ACVR1: variants seen among roughly 807,000 people sequenced by gnomAD.
The protein encoded by ACVR1 is activin receptor type-1.
Under a neutral mutation model 57.1 loss-of-function variants are expected in ACVR1, and 38 were observed. The ratio of observed to expected loss-of-function variants is 0.67; its 90% CI spans 0.51 to 0.87. The LOEUF is 0.87. Among genes scored for constraint, ACVR1 ranks in the 40% least tolerant of loss-of-function variants. ACVR1 has a pLI of 0.00. For missense variants in ACVR1, 463 were observed against 638.2 expected (o/e 0.73, Z 2.96); for synonymous variants, 212 against 228.1 (o/e 0.93, Z 0.63).
chr2:157,780,878 G>A (rs1201758840), intron 3 of ACVR1, among the ~76,000 whole-genome samples: 1 of 152,116 alleles, frequency 6.6e-6, no homozygotes, highest in African/African-American at 2.4e-5. Flanking sequence ...ACAGACTTCT[G>A]AAAATGAGCT....
rs1369685992 is a variant in ACVR1 at position 157,827,958 on chromosome 2, A to T, written c.-182-9399T>A. Among the ~76,000 whole-genome samples the T allele has an allele frequency of 2.0e-5, 3 of 152,286 alleles. No homozygotes were observed. The East Asian group carries it at 5.8e-4, about 29-fold the overall frequency. On this transcript the variant is annotated intron_variant, in intron 1 of 10. Transcript: ENST00000434821. ...TCTAGCTCAAAGATTCTTCTTAGGT[A>T]TTTCTTTCATGATTGTTACTAGGAT... is the stretch of plus-strand genomic sequence containing the variant.
In ACVR1 at chr2:157,765,992, AT is replaced by A; in HGVS notation, c.994del (p.Ile332LeufsTer6). 1 of 1,614,156 alleles carries A rather than the reference AT, an allele frequency of 6.2e-7. No individual in the cohort carries two copies. The highest frequency in any genetic ancestry group is 2.2e-5 in the East Asian group (1 of 44,882). On this transcript the variant is annotated frameshift_variant, in exon 8 of 11. Coordinates refer to ENST00000434821, the MANE Select transcript of ACVR1 (RefSeq NM_001111067.4). LOFTEE classifies it high-confidence loss of function. ...EIFGTQGKPA[I>X]AHRDLKSKNI... ...TTTGCTCTTTAAATCTCGATGGGCA[AT>A]GGCTGGTTTCCCTTGGGTCCCAAAT...
chr2:157,798,646 G>GC (rs1574078235), intron 3 of ACVR1, among the ~76,000 whole-genome samples: 2 of 151,764 alleles, frequency 1.3e-5, no homozygotes, highest in Admixed American at 1.3e-4. Context: ...TCCCACCTCA[G>GC]CCTCCCAAGT....
intron 1 of ACVR1, among the ~76,000 whole-genome samples, chr2:157,847,676 A>C (rs1468427691): frequency 2.6e-5 from 4 of 152,344 alleles, no homozygotes; most frequent in East Asian, 3.9e-4. Flanking sequence ...AAGAGTTTAT[A>C]ATCTACCAAG....
chr2:157,815,708 G>A (rs1379025760), intron 2 of ACVR1, among the ~76,000 whole-genome samples: 1 of 152,296 alleles, frequency 6.6e-6, no homozygotes, highest in African/African-American at 2.4e-5. Context: ...AATGGGCATA[G>A]AAGTGTCTCA....
chr2:157,876,178 G>C lies in ACVR1; in HGVS notation c.-565C>G, dbSNP rs1690289374. On this transcript the variant is annotated 5_prime_UTR_variant, in exon 1 of 11. Coordinates refer to ENST00000434821, the MANE Select transcript of ACVR1 (RefSeq NM_001111067.4). ...GCGGGCAGAATAAACTTCCCGAGGCGCAGAGGCTCGGGCTGGGAGCACGAC... is the reference window on the plus strand; with the variant it reads ...GCGGGCAGAATAAACTTCCCGAGGCCCAGAGGCTCGGGCTGGGAGCACGAC... Among the ~76,000 whole-genome samples, 1 of 150,028 alleles carries C rather than the reference G, an allele frequency of 6.7e-6. No homozygotes were observed.
At chr2:157,835,800 C>CAGTA (rs1376455142) in intron 1 of ACVR1, among the ~76,000 whole-genome samples, 4 of 152,294 alleles carry the variant, frequency 2.6e-5, no homozygotes, top group African/African-American at 9.6e-5. Context: ...AAAGGGAAAC[C>CAGTA]TTCACATTGA....
At chr2:157,853,490 G>A (rs1214851445) in intron 1 of ACVR1, among the ~76,000 whole-genome samples, 1 of 152,164 alleles carries the variant, frequency 6.6e-6, no homozygotes, top group Non-Finnish European at 1.5e-5. Context: ...GCATCACACT[G>A]AGGGTCAGGG....
intron 3 of ACVR1, among the ~76,000 whole-genome samples, chr2:157,785,229 G>C (rs1170017384): frequency 6.6e-6 from 1 of 152,192 alleles, no homozygotes; most frequent in Non-Finnish European, 1.5e-5. Flanking sequence ...GCAGAAATTA[G>C]ACTGTAATTA....
chr2:157,767,600 G>C (rs540770055), intron 7 of ACVR1, among the ~76,000 whole-genome samples: 1 of 152,112 alleles, frequency 6.6e-6, no homozygotes, highest in Non-Finnish European at 1.5e-5. Flanking sequence ...AAATGTAAGA[G>C]AAAATACATT....
At chr2:157,787,405 G>C (rs2105290275) in intron 3 of ACVR1, among the ~76,000 whole-genome samples, 1 of 152,206 alleles carries the variant, frequency 6.6e-6, no homozygotes, top group East Asian at 1.9e-4. Context: ...GGCCTACCGG[G>C]AACTGCCTAC....
rs117979953 is a variant in ACVR1, at chr2:157,760,398, A to G, written c.1264+482T>C. ...AGGTTCTAATGTTCAATAGCACAGT[A>G]GCATGACTATAGTTGACAATAATAT... On this transcript the variant is annotated intron_variant, in intron 9 of 10. Coordinates refer to ENST00000434821, the MANE Select transcript of ACVR1 (RefSeq NM_001111067.4). Among the ~76,000 whole-genome samples the G allele has an allele frequency of 3.4e-4, 52 of 152,336 alleles. No homozygotes were observed. The East Asian group carries it at 9.8e-3, about 29-fold the overall frequency.
chr2:157,820,967 T>C (rs1021453400), intron 1 of ACVR1, among the ~76,000 whole-genome samples: 7 of 152,192 alleles, frequency 4.6e-5, no homozygotes, highest in African/African-American at 1.4e-4. Flanking sequence ...TTAAAATTCA[T>C]TGGACTCTCA....
chr2:157,742,675 C>T (rs1684820118), intron 9 of ACVR1, among the ~76,000 whole-genome samples: 1 of 152,128 alleles, frequency 6.6e-6, no homozygotes, highest in Admixed American at 6.5e-5. Context: ...TTTCCAATAC[C>T]TTTAAAGCAC....
intron 3 of ACVR1, among the ~76,000 whole-genome samples, chr2:157,791,036 C>G (rs902489963): frequency 6.6e-6 from 1 of 152,216 alleles, no homozygotes; most frequent in Admixed American, 6.5e-5. Flanking sequence ...TTCTTAGTCC[C>G]TCCTCGGCTG....
chr2:157,817,624 G>A (rs1687988049), intron 2 of ACVR1, among the ~76,000 whole-genome samples: 1 of 152,140 alleles, frequency 6.6e-6, no homozygotes, highest in South Asian at 2.1e-4. Context: ...GTGTTGGGGA[G>A]ATAGATGAGA....
At chr2:157,845,451 G>A (rs1459910307) in intron 1 of ACVR1, among the ~76,000 whole-genome samples, 1 of 152,128 alleles carries the variant, frequency 6.6e-6, no homozygotes, top group East Asian at 1.9e-4. Context: ...CACAAACCAG[G>A]AAACACCTGG....
At chr2:157,780,800 C>T (rs552116775) in intron 3 of ACVR1, among the ~76,000 whole-genome samples, 200 bp from the exon 4 acceptor site, 5 of 152,138 alleles carry the variant, frequency 3.3e-5, no homozygotes, top group South Asian at 2.1e-4. Flanking sequence ...CTCAACATAG[C>T]GATTCATTTA....
chr2:157,795,377 A>AAC (rs4029027), intron 3 of ACVR1, among the ~76,000 whole-genome samples: 3,638 of 134,092 alleles, frequency 0.027, 58 homozygotes, highest in African/African-American at 0.031. Flanking sequence ...CCTTCCATAG[A>AAC]ACACACACAC....
Sources: gnomAD v4.1 joint callset for allele counts (sites outside exome capture counted in the v4.1 genomes callset) on GRCh38, gnomAD v4.1.1 for gene constraint, MANE v1.5 for transcripts, NCBI Gene and HGNC (gene_info 2026-07-23, HGNC 2026-07-21) for gene names.